The following FHIT variants were observed in gnomAD, a reference collection of about 807,000 sequenced individuals.
FHIT encodes bis(5'-adenosyl)-triphosphatase.
In FHIT, 19 loss-of-function variants were observed where a neutral mutation model predicts 17.9. The ratio of observed to expected loss-of-function variants is 1.06; its 90% CI spans 0.74 to 1.56. The LOEUF (loss-of-function observed/expected upper bound fraction) is 1.56. FHIT is among the 40% of genes most tolerant of loss of function. FHIT has a pLI of 0.00. For synonymous variants in FHIT, 81 were observed against 69.7 expected (o/e 1.16, Z -0.81); for missense variants, 248 against 189.2 (o/e 1.31, Z -1.82).
chr3:60,715,022 T>C (rs62249270), intron 4 of FHIT, among the ~76,000 whole-genome samples: 12,436 of 152,174 alleles, frequency 0.082, 965 homozygotes, highest in African/African-American at 0.2. Context: ...TCATGCTACC[T>C]GACTTCAAAC....
chr3:61,046,510 C>T (rs2107705976), intron 2 of FHIT, among the ~76,000 whole-genome samples: 1 of 152,198 alleles, frequency 6.6e-6, no homozygotes, highest in African/African-American at 2.4e-5. Context: ...AGCCTAGCAA[C>T]CAAAAAAAGT....
At chr3:59,848,012 C>T (rs1335161839) in intron 8 of FHIT, among the ~76,000 whole-genome samples, 1 of 152,160 alleles carries the variant, frequency 6.6e-6, no homozygotes, top group African/African-American at 2.4e-5. Flanking sequence ...GAGGAAGGTA[C>T]AACAATAATG....
Position 61,114,452 on chromosome 3 carries a change from G to A in FHIT, c.-163-72353C>T, listed in dbSNP as rs376169563. On this transcript the variant is annotated intron_variant, in intron 2 of 9. Transcript: ENST00000492590. The stretch of plus-strand genomic sequence containing the variant: ...ACCTGAATTGAGCCACTTAGTTCTT[G>A]TAGGGCCTCCACCAAGTTATGTAAC... 1.0e-3 allele frequency among the ~76,000 whole-genome samples: 156 copies of A among 152,292 alleles called. 2 individuals are homozygous for A. The South Asian group carries it at 0.032, about 31-fold the overall frequency.
chr3:60,469,967 C>T (rs1045719366), intron 5 of FHIT, among the ~76,000 whole-genome samples: 8 of 151,986 alleles, frequency 5.3e-5, no homozygotes, highest in African/African-American at 1.9e-4. Flanking sequence ...GATTACCAGG[C>T]AGAGACTCTT....
In FHIT at chr3:60,511,516, C is replaced by G. The variant is rs141332698; in HGVS notation, c.103+25344G>C. On this transcript the variant is annotated intron_variant, in intron 5 of 9. Transcript: ENST00000492590. ...AAATTCTGAAATTATTTTGAGGGTA[C>G]TATAGGGTCTTAGAATAAATAGAAG... 3.1e-3 allele frequency among the ~76,000 whole-genome samples: 473 copies of G among 152,014 alleles called. 7 individuals are homozygous for G. The East Asian group carries it at 0.036, about 12-fold the overall frequency.
At chr3:60,542,410 A>C (rs951579388) in intron 4 of FHIT, among the ~76,000 whole-genome samples, 2 of 152,206 alleles carry the variant, frequency 1.3e-5, no homozygotes, top group Non-Finnish European at 2.9e-5. Flanking sequence ...CCCAGCAGCA[A>C]TACATTAGGA....
At chr3:60,454,514 A>T (rs916174613) in intron 5 of FHIT, among the ~76,000 whole-genome samples, 8 of 151,596 alleles carry the variant, frequency 5.3e-5, no homozygotes, top group African/African-American at 1.9e-4. Context: ...CCTCTCGAGT[A>T]GCTGGGACTA....
chr3:61,205,725 G>C (rs2039206213), intron 1 of FHIT, among the ~76,000 whole-genome samples: 2 of 152,148 alleles, frequency 1.3e-5, no homozygotes, highest in Admixed American at 6.5e-5. Context: ...TTAGCCCTTT[G>C]TCAGATGAGT....
Position 60,861,024 on chromosome 3 carries a change from G to A in FHIT, c.-110-39013C>T, listed in dbSNP as rs1461962963. On this transcript the variant is annotated intron_variant, in intron 3 of 9. Coordinates refer to ENST00000492590, the MANE Select transcript of FHIT (RefSeq NM_002012.4). ...ATCCATATATATGATACATATATAC[G>A]TATATCATGTATATATGACGTACGT... Among the ~76,000 whole-genome samples the A allele has an allele frequency of 1.2e-4, 12 of 97,668 alleles. 1 individual carries two copies. The highest frequency in any genetic ancestry group is 2.4e-4 in the Non-Finnish European group (11 of 46,592). 64.1% of individuals were successfully genotyped at this position (97,668 alleles called of 152,430 possible). A position where few individuals can be genotyped will look rare whatever the true frequency, so the allele number is the denominator to read the frequency against.
intron 5 of FHIT, among the ~76,000 whole-genome samples, chr3:60,254,640 G>C (rs889072622): frequency 5.3e-5 from 8 of 152,042 alleles, no homozygotes; most frequent in African/African-American, 1.9e-4. Flanking sequence ...GTTTCTACAG[G>C]AGTAATGTGG....
At chr3:60,925,733 G>A (rs1397937368) in intron 3 of FHIT, among the ~76,000 whole-genome samples, 9 of 152,090 alleles carry the variant, frequency 5.9e-5, no homozygotes, top group African/African-American at 2.2e-4. Context: ...ATGTAAATGG[G>A]CTAAATGCTC....
At chr3:60,167,606 T>C (rs1469370132) in intron 5 of FHIT, among the ~76,000 whole-genome samples, 1 of 152,242 alleles carries the variant, frequency 6.6e-6, no homozygotes, top group East Asian at 1.9e-4. Context: ...AGGGCAACTA[T>C]GTTCTGATAT....
rs201797361 is a variant in FHIT, at chr3:61,059,372, CTTTTTT to C, written c.-163-17279_-163-17274del. On this transcript the variant is annotated intron_variant, in intron 2 of 9. Coordinates refer to ENST00000492590, the MANE Select transcript of FHIT (RefSeq NM_002012.4). ...TGTGGCTTTTTTTCTTTGCTTTTTC[CTTTTTT>C]TTTTTTTTTTTTTTTTTGCCAGAAA... Among the ~76,000 whole-genome samples the C allele has an allele frequency of 2.1e-3, 243 of 113,282 alleles. 3 individuals are homozygous for C. The South Asian group carries it at 0.038, about 18-fold the overall frequency. The allele number at this position is 113,282 out of a possible 152,430, so 74.3% of individuals were successfully genotyped here. A position where few individuals can be genotyped will look rare whatever the true frequency, so the allele number is the denominator to read the frequency against.
chr3:60,746,378 A>C (rs1187575202), intron 4 of FHIT, among the ~76,000 whole-genome samples: 4 of 152,236 alleles, frequency 2.6e-5, no homozygotes, highest in African/African-American at 7.2e-5. Flanking sequence ...GAACACATTT[A>C]TTTTGAAAAT....
Position 60,143,796 on chromosome 3 carries a change from A to C in FHIT, c.104-129644T>G, listed in dbSNP as rs141492578. 7.2e-5 allele frequency among the ~76,000 whole-genome samples: 11 copies of C among 152,270 alleles called. No homozygotes were observed. The East Asian group carries it at 1.9e-3, about 27-fold the overall frequency. On this transcript the variant is annotated intron_variant, in intron 5 of 9. Coordinates refer to ENST00000492590, the MANE Select transcript of FHIT (RefSeq NM_002012.4). ...TTCAGAGACCCTCAACAATTAATAT[A>C]AATTAAATTTGTCACTCACCCTACT...
chr3:59,924,994 C>T lies in FHIT; in HGVS notation c.280-2580G>A, dbSNP rs188443142. Among the ~76,000 whole-genome samples the T allele has an allele frequency of 5.1e-3, 772 of 150,286 alleles. 9 individuals carry two copies. Among genetic ancestry groups the T allele is most frequent in the African/African-American group, 0.017 (705 of 41,422 alleles). ...CCTGCCCTACTGCATTATGTGTAGA[C>T]TCTTTGTCTCTTTTCTTGTTTTTTC... On this transcript the variant is annotated intron_variant, in intron 7 of 9. Coordinates refer to ENST00000492590, the MANE Select transcript of FHIT (RefSeq NM_002012.4).
intron 5 of FHIT, among the ~76,000 whole-genome samples, chr3:60,439,146 G>A (rs1459437973): frequency 6.6e-6 from 1 of 152,052 alleles, no homozygotes; most frequent in Non-Finnish European, 1.5e-5. Context: ...AGGCATCCAA[G>A]TTTTTACTCC....
chr3:59,786,051 A>G (rs112068891), intron 8 of FHIT, among the ~76,000 whole-genome samples: 4 of 152,240 alleles, frequency 2.6e-5, no homozygotes, highest in African/African-American at 7.2e-5. Flanking sequence ...CAGAATAAAC[A>G]AGACACCAGG....
chr3:60,090,752 T>G (rs1241174759), intron 5 of FHIT, among the ~76,000 whole-genome samples: 2 of 152,148 alleles, frequency 1.3e-5, no homozygotes, highest in Non-Finnish European at 2.9e-5. Context: ...CTGCCACCAG[T>G]CAGGCCACAC....
Sources: gnomAD v4.1 joint callset for allele counts (sites outside exome capture counted in the v4.1 genomes callset) on GRCh38, gnomAD v4.1.1 for gene constraint, MANE v1.5 for transcripts, NCBI Gene and HGNC (gene_info 2026-07-23, HGNC 2026-07-21) for gene names.